The following HDAC9 variants were observed in gnomAD, a reference collection of about 807,000 sequenced individuals.
HDAC9 encodes the protein MEF-2 interacting transcription repressor (MITR) protein.
A neutral mutation model predicts 139.4 loss-of-function variants in HDAC9; 41 were observed. The observed-to-expected ratio is 0.29, with a 90% confidence interval of 0.23 to 0.38. The LOEUF (loss-of-function observed/expected upper bound fraction) is 0.38. Among genes scored for constraint, HDAC9 ranks in the 10% least tolerant of loss-of-function variants. The pLI, the probability that HDAC9 is intolerant of heterozygous loss-of-function variation, is 1.00. For missense variants in HDAC9, 1,147 were observed against 1,297.0 expected, an observed-to-expected ratio of 0.88 and a Z score of 1.78; for synonymous variants, 517 against 476.2, an observed-to-expected ratio of 1.09 and a Z score of -1.12.
intron 1 of HDAC9, among the ~76,000 whole-genome samples, chr7:18,463,134 ACTTAT>A (rs1430867676): frequency 6.6e-6 from 1 of 151,912 alleles, no homozygotes; most frequent in Non-Finnish European, 1.5e-5. Flanking sequence ...CTCATCCTTA[ACTTAT>A]TTCTGGATTT....
Position 18,590,446 on chromosome 7 carries a change from G to C in HDAC9, c.375G>C (p.Gln125His), listed in dbSNP as rs1830631698. The change falls in exon 4 of 26, where the codon CAG becomes CAC. Residue 125 changes from glutamine to histidine, a missense_variant. Coordinates refer to ENST00000686413, the MANE Select transcript of HDAC9 (RefSeq NM_178425.4). Reference protein sequence around the residue: ...EQEVERHRREQQLPPLRGKDR... With the variant: ...EQEVERHRREHQLPPLRGKDR... ...AAGTAGAGAGGCATCGCAGAGAACA[G>C]CAGCTTCCTCCTCTCAGAGGCAAAG... 6.2e-7 allele frequency: 1 copy of C among 1,605,418 alleles called. No homozygotes were observed. Among genetic ancestry groups the C allele is most frequent in the East Asian group, 2.2e-5 (1 of 44,602 alleles).
At chr7:18,906,966 T>G (rs151192433) in intron 22 of HDAC9, 2 of 152,312 alleles carry the variant, frequency 1.3e-5, no homozygotes, top group African/African-American at 2.4e-5. Flanking sequence ...TACAACAGTT[T>G]GGAAGTATAC....
At chr7:18,426,034 A>G (rs1331558646) in intron 1 of HDAC9, among the ~76,000 whole-genome samples, 1 of 152,224 alleles carries the variant, frequency 6.6e-6, no homozygotes, top group African/African-American at 2.4e-5. Flanking sequence ...TCATAACATT[A>G]GCACAGTGAT....
At chr7:18,195,222 A>G (rs950966305) in intron 2 of HDAC9, among the ~76,000 whole-genome samples, 4 of 152,082 alleles carry the variant, frequency 2.6e-5, no homozygotes, top group Non-Finnish European at 5.9e-5. Flanking sequence ...CTCAAAACCT[A>G]AGGTTCCCAT....
chr7:18,679,296 G>C (rs1331786651), intron 12 of HDAC9, among the ~76,000 whole-genome samples: 1 of 151,870 alleles, frequency 6.6e-6, no homozygotes, highest in East Asian at 1.9e-4. Flanking sequence ...ATTAACAATT[G>C]CCTATACATA....
chr7:18,119,802 A>G (rs1017594668), intron 1 of HDAC9, among the ~76,000 whole-genome samples: 4 of 152,194 alleles, frequency 2.6e-5, no homozygotes, highest in African/African-American at 9.7e-5. Context: ...TTGTGCCCAT[A>G]ACTTTCTCCG....
chr7:18,874,569 C>A lies in HDAC9; in HGVS notation c.2776C>A (p.Leu926Ile). The A allele has an allele frequency of 6.3e-7, 1 of 1,588,124 alleles. No individual in the cohort carries two copies. The highest frequency in any genetic ancestry group is 8.6e-7 in the Non-Finnish European group (1 of 1,164,616). The change falls in exon 22 of 26, where the codon CTA (leucine) becomes ATA (isoleucine). Residue 926 changes from leucine to isoleucine, a missense_variant. This residue lies in a region of HDAC9 where 407 missense variants were observed against 521.5 expected (regional missense o/e 0.78). Coordinates refer to ENST00000686413, the MANE Select transcript of HDAC9 (RefSeq NM_178425.4). ...FDALEGHTPP[L>I]GGYKVTAKCF... ...TGCATTGGAAGGCCACACCCCTCCT[C>A]TAGGAGGGTACAAAGTGACGGCAAA... is the stretch of plus-strand genomic sequence containing the variant.
intron 21 of HDAC9, among the ~76,000 whole-genome samples, chr7:18,863,575 T>C (rs1798268901): frequency 6.6e-6 from 1 of 152,168 alleles, no homozygotes; most frequent in Admixed American, 6.5e-5. Flanking sequence ...GGACACTCTT[T>C]TAGGTCCCCA....
chr7:18,836,794 C>G (rs554467750), intron 21 of HDAC9, among the ~76,000 whole-genome samples: 1 of 152,168 alleles, frequency 6.6e-6, no homozygotes, highest in Non-Finnish European at 1.5e-5. Context: ...TGAGGAGCCT[C>G]CCTTGCAAGA....
intron 12 of HDAC9, among the ~76,000 whole-genome samples, chr7:18,705,854 A>C (rs1783854954): frequency 7.8e-6 from 1 of 127,720 alleles, no homozygotes; most frequent in Non-Finnish European, 1.5e-5. Context: ...CTCTGTCTCA[A>C]AAAAAAAAAT....
At chr7:18,286,597 A>G (rs1253134348), upstream of HDAC9, among the ~76,000 whole-genome samples, 1 of 151,750 alleles carries the variant, frequency 6.6e-6, no homozygotes, top group Non-Finnish European at 1.5e-5. Flanking sequence ...ATAGGAATAA[A>G]ATGTGGTCCA....
At chr7:18,608,790 T>C (rs1221468438) in intron 6 of HDAC9, among the ~76,000 whole-genome samples, 2 of 152,144 alleles carry the variant, frequency 1.3e-5, no homozygotes, top group African/African-American at 4.8e-5. Flanking sequence ...AAAAAAGGAT[T>C]TCTGACATTA....
In HDAC9 at chr7:18,315,521, A is replaced by T. The variant is rs148848717; in HGVS notation, c.-42+25006A>T. Among the ~76,000 whole-genome samples the T allele has an allele frequency of 7.5e-4, 114 of 152,338 alleles. 2 individuals are homozygous for T. The East Asian group carries it at 0.019, about 25-fold the overall frequency. The stretch of plus-strand genomic sequence containing the variant: ...TATTAGTTAACACCTCTCTGCTGTA[A>T]GCCTAAATAGATGTCCAATTTGCAC... On this transcript the variant is annotated intron_variant, in intron 1 of 3. Coordinates refer to the HDAC9 transcript ENST00000413509.
At chr7:18,402,471 A>C (rs1787637242) in intron 1 of HDAC9, among the ~76,000 whole-genome samples, 1 of 152,210 alleles carries the variant, frequency 6.6e-6, no homozygotes, top group African/African-American at 2.4e-5. Context: ...TTAACTTCTC[A>C]CTATCAATGT....
Position 18,996,246 on chromosome 7 carries a change from A to T in HDAC9, c.*184A>T. ...TTTGGATGGACTTGAAAGGGCATTA[A>T]AGATTCCTTAAACGTAACCGCTGTG... On this transcript the variant is annotated 3_prime_UTR_variant, in exon 26 of 26. Coordinates refer to ENST00000686413, the MANE Select transcript of HDAC9 (RefSeq NM_178425.4). The T allele has an allele frequency of 1.9e-6, 1 of 532,872 alleles. No individual in the cohort carries two copies. Among genetic ancestry groups the T allele is most frequent in the Non-Finnish European group, 3.4e-6 (1 of 293,926 alleles). 33.0% of individuals were successfully genotyped at this position (532,872 alleles called of 1,614,324 possible). A position where few individuals can be genotyped will look rare whatever the true frequency, so the allele number is the denominator to read the frequency against.
intron 6 of HDAC9, among the ~76,000 whole-genome samples, chr7:18,609,874 T>A (rs1182048639): frequency 6.7e-6 from 1 of 148,860 alleles, no homozygotes; most frequent in Non-Finnish European, 1.5e-5. Flanking sequence ...AGTGAGAACA[T>A]GCGGTGTTTG....
intron 6 of HDAC9, among the ~76,000 whole-genome samples, chr7:18,610,256 G>C (rs1315759054): frequency 6.6e-6 from 1 of 151,996 alleles, no homozygotes; most frequent in Non-Finnish European, 1.5e-5. Flanking sequence ...GTTTGGAGGG[G>C]GTCATTTAAA....
chr7:18,422,699 C>T (rs951122599), intron 1 of HDAC9, among the ~76,000 whole-genome samples: 8 of 151,132 alleles, frequency 5.3e-5, no homozygotes, highest in Non-Finnish European at 1.0e-4. Flanking sequence ...AAAGTAGCAG[C>T]AGGTCACAGG....
intron 16 of HDAC9, among the ~76,000 whole-genome samples, chr7:18,786,313 C>T (rs1489966851): frequency 6.6e-6 from 1 of 152,060 alleles, no homozygotes; most frequent in Non-Finnish European, 1.5e-5. Flanking sequence ...GCTTTACTGG[C>T]CCTAACTCTT....
Sources: gnomAD v4.1 joint callset for allele counts (sites outside exome capture counted in the v4.1 genomes callset) on GRCh38, gnomAD v4.1.1 for gene constraint, gnomAD v4.1.1 regional missense constraint, MANE v1.5 for transcripts, NCBI Gene and HGNC (gene_info 2026-07-23, HGNC 2026-07-21) for gene names.